Variants in NAV3 observed in about 807,000 individuals in gnomAD.
The protein encoded by NAV3 is pore membrane and/or filament interacting like protein 1.
NAV3 carries 87 observed loss-of-function variants against 244.7 expected under a neutral mutation model. The observed-to-expected ratio is 0.36, with a 90% CI of 0.30 to 0.42. NAV3 has a LOEUF of 0.42. Ranked by LOEUF, NAV3 falls within the 20% of genes least tolerant of loss-of-function variation. The pLI is 1.00. For missense variants in NAV3, 2,663 were observed against 2,893.3 expected, an observed-to-expected ratio of 0.92 and a Z score of 1.83; for synonymous variants, 1,126 against 1,042.2, an observed-to-expected ratio of 1.08 and a Z score of -1.55.
chr12:77,783,927 G>C (rs923625389), intron 2 of NAV3, among the ~76,000 whole-genome samples: 2 of 152,140 alleles, frequency 1.3e-5, no homozygotes, highest in African/African-American at 4.8e-5. Context: ...TGTCAGGGAA[G>C]AGGGTAAAAT....
chr12:78,179,002 T>C (rs1958381904), intron 28 of NAV3, among the ~76,000 whole-genome samples: 1 of 152,122 alleles, frequency 6.6e-6, no homozygotes, highest in South Asian at 2.1e-4. Flanking sequence ...TATTTAAATG[T>C]CCAAAAGTAA....
intron 2 of NAV3, among the ~76,000 whole-genome samples, chr12:77,730,680 A>G (rs1877079573): frequency 6.6e-6 from 1 of 151,894 alleles, no homozygotes; most frequent in Admixed American, 6.6e-5. Flanking sequence ...TTAGGAGTGA[A>G]ATAATGCCAA....
intron 1 of NAV3, among the ~76,000 whole-genome samples, chr12:77,879,350 T>C (rs558057987): frequency 6.6e-6 from 1 of 152,238 alleles, no homozygotes; most frequent in South Asian, 2.1e-4. Context: ...CAGGGCTATA[T>C]AGGCTGAATT....
Position 78,024,987 on chromosome 12 carries a change from GA to G in NAV3, c.2023+3134del, listed in dbSNP as rs34552517. Among the ~76,000 whole-genome samples, 232 of 149,380 alleles carry G rather than the reference GA, an allele frequency of 1.6e-3. 2 individuals carry two copies. In the East Asian group the frequency reaches 0.02, roughly 13 times the overall value. ...AAGACTCTGTCTCAAGAAAAAGGGGGAAAAAAAAAGCCACAACTTCCCTTGA... is the reference window on the plus strand; with the variant it reads ...AAGACTCTGTCTCAAGAAAAAGGGGGAAAAAAAAGCCACAACTTCCCTTGA... On this transcript the variant is annotated intron_variant, in intron 9 of 39. Coordinates refer to ENST00000397909, the MANE Select transcript of NAV3 (RefSeq NM_001024383.2).
At chr12:77,895,270 G>A (rs576982005) in intron 1 of NAV3, among the ~76,000 whole-genome samples, 1 of 151,640 alleles carries the variant, frequency 6.6e-6, no homozygotes, top group Non-Finnish European at 1.5e-5. Flanking sequence ...TTGCTATTCT[G>A]TCAAAGGACA....
chr12:78,164,022 C>T (rs557794012), intron 23 of NAV3, among the ~76,000 whole-genome samples: 120 of 152,144 alleles, frequency 7.9e-4, no homozygotes, highest in Non-Finnish European at 1.5e-3. Context: ...TTAATTTTCT[C>T]ACAGAAGGCC....
chr12:77,655,310 C>A (rs559675565), intron 2 of NAV3, among the ~76,000 whole-genome samples: 2 of 152,172 alleles, frequency 1.3e-5, no homozygotes, highest in East Asian at 1.9e-4. Flanking sequence ...GTGAAGAATG[C>A]AGAAGCCTTA....
intron 4 of NAV3, among the ~76,000 whole-genome samples, chr12:77,966,581 G>C (rs929309871): frequency 1.3e-5 from 2 of 152,004 alleles, no homozygotes; most frequent in African/African-American, 4.8e-5. Context: ...CTAGTTTATA[G>C]TATAATTAGA....
intron 9 of NAV3, among the ~76,000 whole-genome samples, chr12:78,039,236 A>G (rs1880440279): frequency 6.6e-6 from 1 of 152,116 alleles, no homozygotes; most frequent in Non-Finnish European, 1.5e-5. Context: ...GCACACAGGA[A>G]TTCCAGAATT....
intron 12 of NAV3, among the ~76,000 whole-genome samples, chr12:78,110,309 A>G (rs1344371243): frequency 6.6e-6 from 1 of 152,110 alleles, no homozygotes; most frequent in African/African-American, 2.4e-5. Context: ...ATTGAGAAAC[A>G]TCCCATGTTT....
intron 1 of NAV3, among the ~76,000 whole-genome samples, chr12:77,863,164 C>T (rs915808553): frequency 1.3e-5 from 2 of 151,810 alleles, no homozygotes; most frequent in African/African-American, 4.8e-5. Flanking sequence ...GCTGGGGATG[C>T]CAACTGTCCA....
chr12:77,999,173 A>G (rs1202009154), intron 7 of NAV3, among the ~76,000 whole-genome samples: 5 of 152,302 alleles, frequency 3.3e-5, no homozygotes, highest in African/African-American at 1.2e-4. Context: ...GAGGACGGGG[A>G]TGAGTATGTG....
At chr12:77,637,080 G>A (rs539263050) in intron 2 of NAV3, among the ~76,000 whole-genome samples, 142 of 152,102 alleles carry the variant, frequency 9.3e-4, no homozygotes, top group African/African-American at 3.1e-3. Flanking sequence ...CATGGCACAT[G>A]TATACCTGTG....
chr12:78,196,069 C>T (rs945821929), intron 34 of NAV3, among the ~76,000 whole-genome samples: 10 of 151,948 alleles, frequency 6.6e-5, no homozygotes, highest in East Asian at 1.9e-4. Flanking sequence ...ATTTTATAAA[C>T]GAATGAATGA....
At chr12:78,178,138 T>C (rs563455916) in intron 28 of NAV3, among the ~76,000 whole-genome samples, 144 of 149,936 alleles carry the variant, frequency 9.6e-4, no homozygotes, top group African/African-American at 3.5e-3. Context: ...ATTAATGTGG[T>C]CTCTATCTTC....
chr12:78,025,369 G>T (rs2136877902), intron 9 of NAV3, among the ~76,000 whole-genome samples: 1 of 152,030 alleles, frequency 6.6e-6, no homozygotes, highest in African/African-American at 2.4e-5. Flanking sequence ...AGGCCGAGGG[G>T]GTCAGGTAAT....
At chr12:78,080,992 C>T (rs532835421) in intron 12 of NAV3, among the ~76,000 whole-genome samples, 41 of 152,226 alleles carry the variant, frequency 2.7e-4, no homozygotes, top group African/African-American at 9.6e-4. Context: ...TTTTAGAGAT[C>T]GTATCCATTT....
intron 11 of NAV3, among the ~76,000 whole-genome samples, chr12:78,053,033 A>G (rs527757648): frequency 6.6e-6 from 1 of 151,994 alleles, no homozygotes; most frequent in South Asian, 2.1e-4. Flanking sequence ...AGCCTGCCCA[A>G]CATGGCAAAA....
intron 1 of NAV3, among the ~76,000 whole-genome samples, chr12:77,927,898 C>T (rs1021423964): frequency 6.6e-6 from 1 of 151,942 alleles, no homozygotes; most frequent in Non-Finnish European, 1.5e-5. Flanking sequence ...TGAGGTTGCC[C>T]AGTATGACTG....
Sources: gnomAD v4.1 joint callset for allele counts (sites outside exome capture counted in the v4.1 genomes callset) on GRCh38, gnomAD v4.1.1 for gene constraint, MANE v1.5 for transcripts, NCBI Gene and HGNC (gene_info 2026-07-23, HGNC 2026-07-21) for gene names.